PPA1: variants seen among roughly 807,000 people sequenced by gnomAD.
PPA1 encodes inorganic pyrophosphatase 1.
Under a neutral mutation model 41.8 loss-of-function variants are expected in PPA1, and 23 were observed. The ratio of observed to expected loss-of-function variants is 0.55; its 90% confidence interval spans 0.40 to 0.78. PPA1 has a LOEUF of 0.78. Among genes scored for constraint, PPA1 ranks in the 30% least tolerant of loss-of-function variants. The pLI, the probability that PPA1 is intolerant of heterozygous loss-of-function variation, is 0.00. For synonymous variants in PPA1, 101 were observed against 116.8 expected, an observed-to-expected ratio of 0.86 and a Z score of 0.87; for missense variants, 320 against 361.6, an observed-to-expected ratio of 0.89 and a Z score of 0.93.
chr10:70,232,364 A>G (rs773519647), intron 1 of PPA1, among the ~76,000 whole-genome samples: 40 of 151,790 alleles, frequency 2.6e-4, no homozygotes, highest in Non-Finnish European at 4.9e-4. Flanking sequence ...CCCATAATCT[A>G]CTCCTAGTAG....
chr10:70,217,777 A>G lies in PPA1; in HGVS notation c.297+35T>C, dbSNP rs775024217. ...CAGTAAATTAATATTTAGTAAGCTA[A>G]AAAGTACATTGTCAGCAGTTGCATG... On this transcript the variant is annotated intron_variant, in intron 4 of 10. Coordinates refer to ENST00000373232, the MANE Select transcript of PPA1 (RefSeq NM_021129.4). 474 of 1,483,450 alleles carry G rather than the reference A, an allele frequency of 3.2e-4. 2 individuals carry two copies. Among genetic ancestry groups the G allele is most frequent in the South Asian group, 9.2e-4 (66 of 71,888 alleles). The allele number at this position is 1,483,450 out of a possible 1,614,324, so 91.9% of individuals were successfully genotyped here.
At chr10:70,230,827 T>C (rs943106267) in intron 1 of PPA1, among the ~76,000 whole-genome samples, 2 of 152,236 alleles carry the variant, frequency 1.3e-5, no homozygotes, top group Non-Finnish European at 2.9e-5. Context: ...AAACTGTTTG[T>C]ATACTTCACT....
intron 9 of PPA1, 62 bp from the exon 10 acceptor site, chr10:70,204,977 A>G: frequency 3.1e-6 from 4 of 1,307,432 alleles, no homozygotes; most frequent in Non-Finnish European, 4.2e-6. Context: ...CTAAAAAGGT[A>G]TACTGACAAA....
At chr10:70,227,190 A>C (rs1840238041) in intron 2 of PPA1, among the ~76,000 whole-genome samples, 1 of 152,248 alleles carries the variant, frequency 6.6e-6, no homozygotes, top group Admixed American at 6.5e-5. Flanking sequence ...CCCAGAGCAA[A>C]GGACATCCCT....
Position 70,218,949 on chromosome 10 carries a change from T to C in PPA1, c.124-132A>G, listed in dbSNP as rs184311605. The C allele has an allele frequency of 3.1e-4, 202 of 658,748 alleles. No homozygotes were observed. The African/African-American group carries it at 3.3e-3, about 11-fold the overall frequency. The allele number at this position is 658,748 out of a possible 1,614,324, so 40.8% of individuals were successfully genotyped here. ...GAAGTCAATTGGATTTTCAACAAAA[T>C]GCATCAAAAAAAGAGAATGATGGAT... On this transcript the variant is annotated intron_variant, in intron 2 of 10. Transcript: ENST00000373232.
At chr10:70,215,176 C>A (rs987203982) in intron 4 of PPA1, among the ~76,000 whole-genome samples, 1 of 152,106 alleles carries the variant, frequency 6.6e-6, no homozygotes, top group African/African-American at 2.4e-5. Context: ...GCCTGGGCAA[C>A]AGAGCAAGGC....
At chr10:70,209,857 A>G in intron 6 of PPA1, 172 bp from the exon 7 acceptor site, 1 of 734,564 alleles carries the variant, frequency 1.4e-6, no homozygotes, top group Non-Finnish European at 2.2e-6. Flanking sequence ...ATAACATTGG[A>G]GCGAAGCCCC....
rs1392768547 is a variant in PPA1, at chr10:70,202,991, T to G, written c.*164A>C. 4.6e-5 allele frequency: 32 copies of G among 702,318 alleles called. No individual in the cohort carries two copies. The highest frequency in any genetic ancestry group is 7.6e-5 in the Non-Finnish European group (31 of 409,980). 43.5% of individuals were successfully genotyped at this position (702,318 alleles called of 1,614,324 possible). A position where few individuals can be genotyped will look rare whatever the true frequency, so the allele number is the denominator to read the frequency against. ...TCTTAGTTGAGATATGAAAAATGCT[T>G]TAGATGGATAACATTCTGAGTATAT... is the stretch of plus-strand genomic sequence containing the variant. On this transcript the variant is annotated 3_prime_UTR_variant, in exon 11 of 11. Coordinates refer to ENST00000373232, the MANE Select transcript of PPA1 (RefSeq NM_021129.4).
At position 70,215,114 on chromosome 10, in the gene PPA1, G is replaced by A. The variant is rs1389651819; in HGVS notation, c.298-528C>T. On this transcript the variant is annotated intron_variant, in intron 4 of 10. Transcript: ENST00000373232. The stretch of plus-strand genomic sequence containing the variant: ...GGAGGCTGAGGCAGGAGAATCGCTT[G>A]AACCCAGGAAGCAGAGGTTGCAGTG... Among the ~76,000 whole-genome samples, 4 of 152,170 alleles carry A rather than the reference G, an allele frequency of 2.6e-5. No individual in the cohort carries two copies. In the South Asian group the frequency reaches 6.2e-4, roughly 24 times the overall value.
At chr10:70,204,830 CTG>C (rs918435461) in intron 10 of PPA1, 41 bp downstream of exon 10, 1 of 1,465,856 alleles carries the variant, frequency 6.8e-7, no homozygotes, top group African/African-American at 1.4e-5. Context: ...TTTTCCATAA[CTG>C]TGTAATGTTT....
chr10:70,226,350 G>T (rs1045801696), intron 2 of PPA1, among the ~76,000 whole-genome samples: 1 of 152,060 alleles, frequency 6.6e-6, no homozygotes, highest in Non-Finnish European at 1.5e-5. Flanking sequence ...GAGGTGGGTG[G>T]ACTGTTTGAG....
At chr10:70,223,809 T>C (rs1433807979) in intron 2 of PPA1, among the ~76,000 whole-genome samples, 1 of 152,222 alleles carries the variant, frequency 6.6e-6, no homozygotes, top group East Asian at 1.9e-4. Flanking sequence ...AATTCATTCC[T>C]TCTTCTTTAA....
intron 1 of PPA1, among the ~76,000 whole-genome samples, chr10:70,231,228 TCTTTAGGAAAC>T (rs940925172): frequency 6.6e-6 from 1 of 152,232 alleles, no homozygotes; most frequent in African/African-American, 2.4e-5. Flanking sequence ...TCTTCAGTAT[TCTTTAGGAAAC>T]CTACTGTCCA....
chr10:70,216,506 C>A (rs1840083744), intron 4 of PPA1, among the ~76,000 whole-genome samples: 1 of 150,530 alleles, frequency 6.6e-6, no homozygotes, highest in Non-Finnish European at 1.5e-5. Context: ...AAAAAAATTT[C>A]AATTAAAGTA....
intron 8 of PPA1, 46 bp from the exon 9 acceptor site, chr10:70,206,379 T>G: frequency 7.1e-7 from 1 of 1,416,518 alleles, no homozygotes; most frequent in Non-Finnish European, 1.0e-6. Flanking sequence ...TAACAAAAAT[T>G]ATCTCTTAAG....
chr10:70,225,404 C>T (rs1046242747), intron 2 of PPA1, among the ~76,000 whole-genome samples: 3 of 151,824 alleles, frequency 2.0e-5, no homozygotes, highest in African/African-American at 7.3e-5. Flanking sequence ...TGGTAAAGAC[C>T]GGGTTTCACC....
At chr10:70,212,348 C>T (rs1251874644) in intron 6 of PPA1, among the ~76,000 whole-genome samples, 1 of 152,092 alleles carries the variant, frequency 6.6e-6, no homozygotes, top group Non-Finnish European at 1.5e-5. Flanking sequence ...TATGTATGTA[C>T]CCAATAATAA....
chr10:70,226,044 AC>A (rs1840226545), intron 2 of PPA1, among the ~76,000 whole-genome samples: 1 of 152,240 alleles, frequency 6.6e-6, no homozygotes, highest in South Asian at 2.1e-4. Flanking sequence ...CATGACTTAC[AC>A]CAACCCAAAA....
intron 1 of PPA1, among the ~76,000 whole-genome samples, chr10:70,232,770 G>A (rs1840302293): frequency 6.6e-6 from 1 of 152,110 alleles, no homozygotes; most frequent in Non-Finnish European, 1.5e-5. Context: ...TTTCCCGTCT[G>A]TAAAACGAGG....
Sources: gnomAD v4.1 joint callset for allele counts (sites outside exome capture counted in the v4.1 genomes callset) on GRCh38, gnomAD v4.1.1 for gene constraint, MANE v1.5 for transcripts, NCBI Gene and HGNC (gene_info 2026-07-23, HGNC 2026-07-21) for gene names.